EYA4: variants seen among roughly 807,000 people sequenced by gnomAD.
The protein encoded by EYA4 is protein phosphatase EYA4.
A neutral mutation model predicts 87.9 loss-of-function variants in EYA4; 31 were observed. That is an observed-to-expected ratio of 0.35 (90% CI 0.27 to 0.48). EYA4 has a LOEUF of 0.48. Among genes scored for constraint, EYA4 ranks in the 20% least tolerant of loss-of-function variants. The pLI is 0.99. For missense variants in EYA4, 678 were observed against 761.4 expected, an observed-to-expected ratio of 0.89 and a Z score of 1.29; for synonymous variants, 263 against 270.6, an observed-to-expected ratio of 0.97 and a Z score of 0.28.
intron 3 of EYA4, among the ~76,000 whole-genome samples, chr6:133,423,065 G>T (rs376130702): frequency 3.9e-5 from 6 of 152,074 alleles, no homozygotes; most frequent in Non-Finnish European, 7.4e-5. Flanking sequence ...CTAGATATGG[G>T]CGATGGGGAA....
rs187786707 is a variant in EYA4, at chr6:133,417,527, G to T, written c.84-29103G>T. ...ATGTCAAGATAAACTCATAGGACTT[G>T]TGATGAGTTAGGTAATGCAGAGCAT... On this transcript the variant is annotated intron_variant, in intron 3 of 19. Coordinates refer to ENST00000355286, the MANE Select transcript of EYA4 (RefSeq NM_004100.5). Among the ~76,000 whole-genome samples, 57 of 152,274 alleles carry T rather than the reference G, an allele frequency of 3.7e-4. 1 individual carries two copies. Among genetic ancestry groups the T allele is most frequent in the Non-Finnish European group, 6.9e-4 (47 of 68,022 alleles).
intron 3 of EYA4, among the ~76,000 whole-genome samples, chr6:133,427,692 C>T (rs925439087): frequency 1.3e-5 from 2 of 151,904 alleles, no homozygotes; most frequent in Non-Finnish European, 2.9e-5. Context: ...AGGGGGACTT[C>T]AGAAGGGCAG....
At chr6:133,450,621 A>G (rs1237106302) in intron 5 of EYA4, among the ~76,000 whole-genome samples, 1 of 152,172 alleles carries the variant, frequency 6.6e-6, no homozygotes, top group Admixed American at 6.5e-5. Context: ...CTCCTGCCTC[A>G]GTCTCCTGAG....
chr6:133,469,596 G>A (rs1015549852), intron 11 of EYA4, among the ~76,000 whole-genome samples: 1 of 151,898 alleles, frequency 6.6e-6, no homozygotes, highest in Non-Finnish European at 1.5e-5. Context: ...ATTGAGTAGA[G>A]AATGAATAGT....
chr6:133,287,789 C>T (rs75193060), intron 2 of EYA4, among the ~76,000 whole-genome samples: 2,374 of 152,178 alleles, frequency 0.016, 65 homozygotes, highest in African/African-American at 0.051. Context: ...ATTGAGAGTA[C>T]GAGAGATGGC....
At chr6:133,466,072 A>G (rs1042270794) in intron 10 of EYA4, among the ~76,000 whole-genome samples, 1 of 152,156 alleles carries the variant, frequency 6.6e-6, no homozygotes, top group African/African-American at 2.4e-5. Context: ...TTGAAGATTC[A>G]AAACGAGTAA....
chr6:133,347,644 A>AT (rs1390640618), intron 2 of EYA4, among the ~76,000 whole-genome samples: 21 of 152,120 alleles, frequency 1.4e-4, no homozygotes, highest in Admixed American at 2.6e-4. Flanking sequence ...TGTTGCCAGC[A>AT]TTTTTCATGG....
At chr6:133,349,743 G>A (rs1478595845) in intron 2 of EYA4, among the ~76,000 whole-genome samples, 1 of 152,054 alleles carries the variant, frequency 6.6e-6, no homozygotes, top group East Asian at 1.9e-4. Flanking sequence ...TGCTATCATA[G>A]GCAAACAGTG....
intron 1 of EYA4, among the ~76,000 whole-genome samples, chr6:133,264,755 G>A (rs1333727464): frequency 1.3e-5 from 2 of 152,146 alleles, no homozygotes; most frequent in African/African-American, 2.4e-5. Context: ...GAGTTGAGAT[G>A]TGCCCCCTCC....
intron 13 of EYA4, among the ~76,000 whole-genome samples, chr6:133,501,017 C>T (rs896131273): frequency 2.6e-5 from 4 of 152,146 alleles, no homozygotes; most frequent in African/African-American, 9.7e-5. Flanking sequence ...TGTTTCCTTT[C>T]CCTTCCCTGG....
intron 3 of EYA4, among the ~76,000 whole-genome samples, chr6:133,441,719 G>T (rs893856104): frequency 1.4e-4 from 21 of 152,130 alleles, no homozygotes; most frequent in African/African-American, 4.8e-4. Flanking sequence ...ATTGGAATGA[G>T]TTGGGATGAA....
intron 3 of EYA4, among the ~76,000 whole-genome samples, chr6:133,382,851 TTTTG>T: frequency 6.6e-6 from 1 of 152,094 alleles, no homozygotes; most frequent in East Asian, 1.9e-4. Context: ...CATTGCTAGA[TTTTG>T]AGAATGTTGT....
At chr6:133,332,087 C>A (rs756149475) in intron 2 of EYA4, among the ~76,000 whole-genome samples, 9 of 152,154 alleles carry the variant, frequency 5.9e-5, no homozygotes, top group Admixed American at 3.3e-4. Context: ...TAGCTCTCTG[C>A]GTGGTCACCA....
At chr6:133,468,477 C>T in intron 10 of EYA4, 89 bp from the exon 11 acceptor site, 1 of 1,084,766 alleles carries the variant, frequency 9.2e-7, no homozygotes, top group Admixed American at 1.7e-5. Context: ...GAGTACTAAT[C>T]TTTCAGTTAC....
chr6:133,478,092 TAAC>T (rs1795898685), intron 11 of EYA4, among the ~76,000 whole-genome samples: 1 of 152,090 alleles, frequency 6.6e-6, no homozygotes, highest in South Asian at 2.1e-4. Context: ...AAAAAAACGC[TAAC>T]AATATCAAGT....
chr6:133,389,606 A>T (rs1787078047), intron 3 of EYA4, among the ~76,000 whole-genome samples: 1 of 152,188 alleles, frequency 6.6e-6, no homozygotes, highest in Non-Finnish European at 1.5e-5. Context: ...CCCTAGTGTA[A>T]TTTAGTTAGG....
At chr6:133,377,029 C>A (rs1785750731) in intron 2 of EYA4, among the ~76,000 whole-genome samples, 1 of 151,964 alleles carries the variant, frequency 6.6e-6, no homozygotes, top group Admixed American at 6.6e-5. Flanking sequence ...CAGCACTTAA[C>A]CACTGCTGGC....
chr6:133,340,369 C>T lies in EYA4; in HGVS notation c.34-42023C>T, dbSNP rs370449398. On this transcript the variant is annotated intron_variant, in intron 2 of 19. Coordinates refer to ENST00000355286, the MANE Select transcript of EYA4 (RefSeq NM_004100.5). Reference sequence around the variant, plus strand: ...CTGCCTTTGCCTCTTTTCACATCTACATAAAGTAGTGCTTACATTTGTTTG... The same window carrying T: ...CTGCCTTTGCCTCTTTTCACATCTATATAAAGTAGTGCTTACATTTGTTTG... Among the ~76,000 whole-genome samples the T allele has an allele frequency of 4.6e-5, 7 of 152,244 alleles. No individual in the cohort carries two copies. In the East Asian group the frequency reaches 1.4e-3, roughly 29 times the overall value.
chr6:133,525,299 C>G (rs1286031270), intron 19 of EYA4, 45 bp downstream of exon 19: 1 of 1,517,352 alleles, frequency 6.6e-7, no homozygotes, highest in African/African-American at 1.4e-5. Context: ...CTAATGCAAG[C>G]CTTTTTGTTT....
Sources: allele counts gnomAD v4.1 joint callset (sites outside exome capture counted in the v4.1 genomes callset), GRCh38; gene constraint gnomAD v4.1.1; transcripts MANE v1.5; gene names NCBI Gene and HGNC (gene_info 2026-07-23, HGNC 2026-07-21).